The following COBL variants were observed in gnomAD, a reference collection of about 807,000 sequenced individuals.
The protein encoded by COBL is cordon-bleu WH2 repeat protein, also known as protein cordon-bleu.
A neutral mutation model predicts 98.8 loss-of-function variants in COBL; 51 were observed. That is an observed-to-expected ratio of 0.52 (90% confidence interval 0.41 to 0.65). The LOEUF is 0.65. Among genes scored for constraint, COBL ranks in the 30% least tolerant of loss-of-function variants. The probability of loss-of-function intolerance (pLI) is 0.00; values close to 1 mark genes in which losing one functional copy is unlikely to be tolerated. For synonymous variants in COBL, 634 were observed against 651.7 expected (o/e 0.97, Z 0.41); for missense variants, 1,617 against 1,617.5 (o/e 1.00, Z 0.01).
At chr7:51,105,863 G>T (rs1232912838) in intron 6 of COBL, among the ~76,000 whole-genome samples, 2 of 152,038 alleles carry the variant, frequency 1.3e-5, no homozygotes, top group Non-Finnish European at 2.9e-5. Flanking sequence ...CAGAATTTCA[G>T]GAGGAGTGAA....
chr7:51,107,288 T>C (rs927540943), intron 6 of COBL, among the ~76,000 whole-genome samples: 1 of 151,930 alleles, frequency 6.6e-6, no homozygotes, highest in African/African-American at 2.4e-5. Context: ...AGAGACGGGG[T>C]TTCACCATAT....
At chr7:51,218,280 G>C (rs191761753) in intron 2 of COBL, among the ~76,000 whole-genome samples, 1 of 152,186 alleles carries the variant, frequency 6.6e-6, no homozygotes. Context: ...TGGTTAATTT[G>C]ATAAAGTAAC....
intron 7 of COBL, chr7:51,083,286 G>A (rs1258278926): frequency 1.5e-6 from 2 of 1,362,254 alleles, no homozygotes; most frequent in Non-Finnish European, 9.7e-7. Flanking sequence ...TCACTCACTA[G>A]GCACCAAATC....
intron 1 of COBL, among the ~76,000 whole-genome samples, chr7:51,275,753 C>A (rs1478540823): frequency 6.6e-6 from 1 of 152,228 alleles, no homozygotes; most frequent in East Asian, 1.9e-4. Flanking sequence ...GGTGAAAACA[C>A]AGAGCCCAGA....
chr7:51,202,207 T>C (rs922334226), intron 2 of COBL, among the ~76,000 whole-genome samples: 2 of 151,864 alleles, frequency 1.3e-5, no homozygotes, highest in Non-Finnish European at 2.9e-5. Context: ...CCTGACTTAA[T>C]AAGGAAAGAA....
At chr7:51,044,202 T>C (rs1277079712) in intron 7 of COBL, among the ~76,000 whole-genome samples, 2 of 152,310 alleles carry the variant, frequency 1.3e-5, no homozygotes, top group Non-Finnish European at 1.5e-5. Flanking sequence ...CTTTTGGCTC[T>C]CCCTTAATTT....
intron 5 of COBL, among the ~76,000 whole-genome samples, chr7:51,160,546 C>T (rs189832100): frequency 4.6e-5 from 7 of 152,334 alleles, no homozygotes; most frequent in Non-Finnish European, 7.3e-5. Context: ...CAGGGCCGAG[C>T]CAACCTTCAT....
At chr7:51,169,694 A>G (rs898167290) in intron 5 of COBL, among the ~76,000 whole-genome samples, 1 of 152,174 alleles carries the variant, frequency 6.6e-6, no homozygotes, top group African/African-American at 2.4e-5. Flanking sequence ...TGGCACAGGT[A>G]GTGGGGAACT....
intron 9 of COBL, among the ~76,000 whole-genome samples, 154 bp downstream of exon 9, chr7:51,030,658 C>T (rs768425938): frequency 3.9e-5 from 6 of 152,162 alleles, no homozygotes; most frequent in East Asian, 3.8e-4. Flanking sequence ...AACCTGTGTG[C>T]GCCTCACATC....
intron 5 of COBL, among the ~76,000 whole-genome samples, chr7:51,158,641 C>T (rs1584001744): frequency 6.6e-6 from 1 of 152,072 alleles, no homozygotes; most frequent in Non-Finnish European, 1.5e-5. Context: ...CCACTAGGAA[C>T]AGAGCACGGT....
At chr7:51,295,853 T>C (rs370353892) in intron 1 of COBL, among the ~76,000 whole-genome samples, 1 of 152,202 alleles carries the variant, frequency 6.6e-6, no homozygotes, top group African/African-American at 2.4e-5. Flanking sequence ...AAGTGATCAA[T>C]GAAAATTTAA....
chr7:51,039,491 T>C (rs1045369438), intron 8 of COBL, among the ~76,000 whole-genome samples: 33 of 152,244 alleles, frequency 2.2e-4, no homozygotes, highest in Non-Finnish European at 4.1e-4. Flanking sequence ...ACCACCCCTG[T>C]GCTGCCTAGG....
At chr7:51,158,785 G>A (rs1786465337) in intron 5 of COBL, among the ~76,000 whole-genome samples, 1 of 152,208 alleles carries the variant, frequency 6.6e-6, no homozygotes, top group South Asian at 2.1e-4. Context: ...CAGGAGATGA[G>A]CGCGATGCTG....
chr7:51,265,975 TC>T (rs1263027585), intron 1 of COBL, among the ~76,000 whole-genome samples: 1 of 152,216 alleles, frequency 6.6e-6, no homozygotes, highest in Non-Finnish European at 1.5e-5. Flanking sequence ...CATTTTTTTT[TC>T]AATTCACAAT....
intron 2 of COBL, among the ~76,000 whole-genome samples, chr7:51,208,965 T>TAA (rs1792112800): frequency 6.6e-6 from 1 of 150,784 alleles, no homozygotes; most frequent in Admixed American, 6.6e-5. Context: ...GTTCACTTGT[T>TAA]TATCTGCTGA....
intron 6 of COBL, among the ~76,000 whole-genome samples, chr7:51,102,401 G>A (rs1305453025): frequency 6.6e-6 from 1 of 152,122 alleles, no homozygotes; most frequent in Admixed American, 6.6e-5. Context: ...TTAAGGGGGA[G>A]GGAAGTTCTA....
intron 7 of COBL, chr7:51,083,325 C>T: frequency 1.2e-6 from 1 of 838,322 alleles, no homozygotes; most frequent in Non-Finnish European, 1.8e-6. Flanking sequence ...GATCCAGCCA[C>T]ACTCAACACC....
chr7:51,037,813 T>C (rs1373773891), intron 8 of COBL, among the ~76,000 whole-genome samples: 1 of 152,222 alleles, frequency 6.6e-6, no homozygotes, highest in African/African-American at 2.4e-5. Flanking sequence ...GATGAAAACA[T>C]ACGCTTTTCA....
intron 1 of COBL, among the ~76,000 whole-genome samples, chr7:51,301,463 C>T (rs973497009): frequency 2.6e-5 from 4 of 152,196 alleles, no homozygotes; most frequent in African/African-American, 7.2e-5. Context: ...CCTTCACAGC[C>T]GTACTGTGGG....
Sources: allele counts gnomAD v4.1 joint callset (sites outside exome capture counted in the v4.1 genomes callset), GRCh38; gene constraint gnomAD v4.1.1; transcripts MANE v1.5; gene names NCBI Gene and HGNC (gene_info 2026-07-23, HGNC 2026-07-21).